The following CRYBG2 variants were observed in gnomAD, a reference collection of about 807,000 sequenced individuals.
The protein encoded by CRYBG2 is beta/gamma crystallin domain-containing protein 2.
Under a neutral mutation model 153.4 loss-of-function variants are expected in CRYBG2, and 106 were observed. The ratio of observed to expected loss-of-function variants is 0.69; its 90% CI spans 0.59 to 0.81. CRYBG2 has a LOEUF of 0.81. Among genes scored for constraint, CRYBG2 ranks in the 30% least tolerant of loss-of-function variants. The pLI, the probability that CRYBG2 is intolerant of heterozygous loss-of-function variation, is 0.00. For synonymous variants in CRYBG2, 851 were observed against 877.8 expected (o/e 0.97, Z 0.54); for missense variants, 1,996 against 2,112.0 (o/e 0.95, Z 1.08).
intron 14 of CRYBG2, among the ~76,000 whole-genome samples, chr1:26,332,306 CAAAA>C (rs567865951): frequency 2.8e-5 from 2 of 71,454 alleles, no homozygotes; most frequent in Admixed American, 1.6e-4. Context: ...GACTCCGTGT[CAAAA>C]AAAAAAAAAA....
intron 1 of CRYBG2, among the ~76,000 whole-genome samples, chr1:26,352,485 A>G (rs1180286942): frequency 6.6e-6 from 1 of 152,146 alleles, no homozygotes; most frequent in Non-Finnish European, 1.5e-5. Flanking sequence ...GAACGTGGAC[A>G]CACACGCTTG....
At chr1:26,353,354 T>A (rs1234872189) in intron 1 of CRYBG2, among the ~76,000 whole-genome samples, 1 of 151,834 alleles carries the variant, frequency 6.6e-6, no homozygotes, top group Non-Finnish European at 1.5e-5. Flanking sequence ...CCCTGGGAGG[T>A]TCCATGTTCA....
Position 26,321,963 on chromosome 1 carries a change from A to T in CRYBG2, c.*5T>A. On this transcript the variant is annotated 3_prime_UTR_variant, in exon 20 of 20. Coordinates refer to ENST00000308182, the MANE Select transcript of CRYBG2 (RefSeq NM_001039775.4). ...CTCCAGGGCTGGAGGGTGAGGGGAA[A>T]AGTTTCAAAGCACGTGGATAGTCCA... The T allele has an allele frequency of 6.4e-7, 1 of 1,560,788 alleles. No individual in the cohort carries two copies. The highest frequency in any genetic ancestry group is 1.4e-5 in the African/African-American group (1 of 73,474).
chr1:26,336,056 C>T lies in CRYBG2; in HGVS notation c.4184+39G>A, dbSNP rs1009563155. The T allele has an allele frequency of 7.9e-6, 11 of 1,400,608 alleles. No individual in the cohort carries two copies. The highest frequency in any genetic ancestry group is 1.5e-5 in the African/African-American group (1 of 68,392). The allele number at this position is 1,400,608 out of a possible 1,614,324, so 86.8% of individuals were successfully genotyped here. On this transcript the variant is annotated intron_variant, in intron 14 of 19. Transcript: ENST00000308182. The surrounding 1 kb of genome is among the most constrained non-coding windows in gnomAD (Gnocchi z 4.9). ...CTCTCCTCCTGCAGCCCCGCCTCTG[C>T]CCCAGCGCCCCCAGCCCTCCGCCCC...
rs1199023660 is a variant in CRYBG2 at position 26,321,906 on chromosome 1, A to G, written c.*62T>C. 1.5e-6 allele frequency: 2 copies of G among 1,376,706 alleles called. No individual in the cohort carries two copies. Among genetic ancestry groups the G allele is most frequent in the African/African-American group, 2.9e-5 (2 of 68,184 alleles). The allele number at this position is 1,376,706 out of a possible 1,614,324, so 85.3% of individuals were successfully genotyped here. A position where few individuals can be genotyped will look rare whatever the true frequency, so the allele number is the denominator to read the frequency against. ...AGAAAATAGCTTATGTTACAACAAAAACCCTATAAAAACATTCATCCCAGC... is the reference window on the plus strand; with the variant it reads ...AGAAAATAGCTTATGTTACAACAAAGACCCTATAAAAACATTCATCCCAGC... On this transcript the variant is annotated 3_prime_UTR_variant, in exon 20 of 20. Transcript: ENST00000308182.
At position 26,336,477 on chromosome 1, in the gene CRYBG2, C is replaced by T. The variant is rs527966691; in HGVS notation, c.4039-107G>A. 255 of 1,551,586 alleles carry T rather than the reference C, an allele frequency of 1.6e-4. 5 individuals carry two copies. The South Asian group carries it at 2.9e-3, about 17-fold the overall frequency. On this transcript the variant is annotated intron_variant, in intron 12 of 19. Coordinates refer to ENST00000308182, the MANE Select transcript of CRYBG2 (RefSeq NM_001039775.4). This position sits in a 1 kb window ranked among gnomAD's most constrained non-coding sequence, Gnocchi z 4.9. Reference sequence around the variant, plus strand: ...CCGCGGCCGCGCCCTCGGCCCCGCCCCCTTCTAAGGCCCCGCCCCAAGCGC... The same window carrying T: ...CCGCGGCCGCGCCCTCGGCCCCGCCTCCTTCTAAGGCCCCGCCCCAAGCGC...
At chr1:26,337,874 C>T in intron 8 of CRYBG2, 138 bp downstream of exon 8, 3 of 1,302,334 alleles carry the variant, frequency 2.3e-6, no homozygotes, top group Non-Finnish European at 2.1e-6. Context: ...CCAGTGAGCC[C>T]ATCAGGTCCC....
chr1:26,343,330 G>T lies in CRYBG2; in HGVS notation c.2914-37C>A, dbSNP rs1282637525. 1.3e-6 allele frequency: 2 copies of T among 1,548,472 alleles called. No homozygotes were observed. The highest frequency in any genetic ancestry group is 2.4e-5 in the East Asian group (1 of 40,902). The stretch of plus-strand genomic sequence containing the variant: ...GCAGGTGATAAAGAAGTCCTGTGGG[G>T]TCACCTCTTTTCTGCCTCCCCACAA... On this transcript the variant is annotated intron_variant, in intron 2 of 19. Coordinates refer to ENST00000308182, the MANE Select transcript of CRYBG2 (RefSeq NM_001039775.4). This position sits in a 1 kb window ranked among gnomAD's most constrained non-coding sequence, Gnocchi z 4.1.
At chr1:26,338,113 A>C in intron 7 of CRYBG2, 66 bp from the exon 8 acceptor site, 1 of 1,578,082 alleles carries the variant, frequency 6.3e-7, no homozygotes. Flanking sequence ...CTGCGGATCT[A>C]GGATTTTCCT....
rs1195704799 is a variant in CRYBG2, at chr1:26,336,620, G to A, written c.4024C>T (p.Gln1342Ter). Residue 1342 changes from glutamine (Q) to a stop codon, truncating the protein, a stop_gained, in exon 12 of 20, where the codon CAG (glutamine) becomes TAG (stop). Transcript: ENST00000308182. LOFTEE classifies it high-confidence loss of function. This position sits in a 1 kb window ranked among gnomAD's most constrained non-coding sequence, Gnocchi z 4.9. ...CCGGCACGCACCTGTAGGACCGGCT[G>A]CAGCGAGGCGAGGGTGCTGTTGCCA... ...GAGNSTLASL[Q>*]PVLQVGEHDL... The A allele has an allele frequency of 6.5e-7, 1 of 1,550,050 alleles. No homozygotes were observed. The highest frequency in any genetic ancestry group is 8.7e-7 in the Non-Finnish European group (1 of 1,146,680).
intron 6 of CRYBG2, 75 bp from the exon 7 acceptor site, chr1:26,338,552 G>A (rs1179230353): frequency 3.5e-6 from 5 of 1,446,668 alleles, no homozygotes; most frequent in South Asian, 1.5e-5. Context: ...CGGGAGGGAA[G>A]GTTTAGAGTG....
At position 26,343,974 on chromosome 1, in the gene CRYBG2, T is replaced by G. The variant is rs752006528; in HGVS notation, c.2684A>C (p.Gln895Pro). ...ACGGGAAGTGGGCCTGCTGCCTCCC[T>G]GCAGTTCCAATCCCAGCTCTGAGTG... ...GPHSELGLEL[Q>P]GGSRPTSRLG... Residue 895 changes from glutamine (Q) to proline (P), a missense_variant, in exon 2 of 20, where the codon CAG becomes CCG. Physicochemically the swap from Gln to Pro is moderately conservative, Grantham distance 76 (BLOSUM62 -1). Coordinates refer to ENST00000308182, the MANE Select transcript of CRYBG2 (RefSeq NM_001039775.4). The surrounding 1 kb of genome is among the most constrained non-coding windows in gnomAD (Gnocchi z 4.1). 2 of 1,537,054 alleles carry G rather than the reference T, an allele frequency of 1.3e-6. No homozygotes were observed. The highest frequency in any genetic ancestry group is 2.7e-5 in the African/African-American group (2 of 73,060).
rs1301401935 is a variant in CRYBG2, at chr1:26,344,734, T to C, written c.1924A>G (p.Ser642Gly). ...CCCTGGACAGCCTCTTTTTGGATGC[T>C]ACTGCTGCCTTTTGGGCCCTGGACA... ...EVVQGPKGSS[S>G]IQKEAVQGIA... Residue 642 changes from serine (S) to glycine (G), a missense_variant, in exon 2 of 20, where the codon AGC becomes GGC. Physicochemically the swap from Ser to Gly is moderately conservative, Grantham distance 56. Coordinates refer to ENST00000308182, the MANE Select transcript of CRYBG2 (RefSeq NM_001039775.4). The C allele has an allele frequency of 5.9e-6, 9 of 1,535,472 alleles. No homozygotes were observed. In the Middle Eastern group the frequency reaches 5.0e-4, roughly 86 times the overall value.
At chr1:26,350,115 G>A (rs909627037) in intron 1 of CRYBG2, among the ~76,000 whole-genome samples, 6 of 152,004 alleles carry the variant, frequency 3.9e-5, no homozygotes, top group South Asian at 4.2e-4. Context: ...GTGCCTGACC[G>A]GACCAGTGGT....
chr1:26,337,169 A>G, intron 10 of CRYBG2, 84 bp downstream of exon 10: 1 of 1,584,332 alleles, frequency 6.3e-7, no homozygotes, highest in Non-Finnish European at 8.6e-7. Flanking sequence ...GAGAGGGGGT[A>G]CAAATTCTTC....
chr1:26,341,198 G>C (rs756480293), intron 5 of CRYBG2, among the ~76,000 whole-genome samples: 1 of 151,568 alleles, frequency 6.6e-6, no homozygotes, highest in African/African-American at 2.4e-5. Context: ...AAAATTAGCC[G>C]GGCATAGTGG....
In CRYBG2 at chr1:26,343,136, G is replaced by C. The variant is rs1396267888; in HGVS notation, c.2985C>G (p.Gly995=). 1 of 1,550,524 alleles carries C rather than the reference G, an allele frequency of 6.4e-7. No individual in the cohort carries two copies. The highest frequency in any genetic ancestry group is 2.0e-5 in the Admixed American group (1 of 50,990). Residue 995 remains glycine, a synonymous_variant, in exon 4 of 20, where the codon GGC becomes GGG. Coordinates refer to ENST00000308182, the MANE Select transcript of CRYBG2 (RefSeq NM_001039775.4). The surrounding 1 kb of genome is among the most constrained non-coding windows in gnomAD (Gnocchi z 4.1). ...AGACCTCCCTGCCACTGCCTTGGCA[G>C]CCAGACTCTGAGAAGAAGATCACCT... ...PGKVIFFSES[G]CQGSGREVWG...
rs1178801467 is a variant in CRYBG2, at chr1:26,328,202, T to TA, written c.4578+6dup. 1 of 1,561,940 alleles carries TA rather than the reference T, an allele frequency of 6.4e-7. No individual in the cohort carries two copies. Among genetic ancestry groups the TA allele is most frequent in the African/African-American group, 1.4e-5 (1 of 73,412 alleles). ...CAGACACGCTCAGCTCCAGCCACGC[T>TA]ACCCACCTGCTTGATGGGGTAGAGG... is the stretch of plus-strand genomic sequence containing the variant. On this transcript the variant is annotated splice_region_variant and intron_variant, in intron 17 of 19. Coordinates refer to ENST00000308182, the MANE Select transcript of CRYBG2 (RefSeq NM_001039775.4).
Position 26,322,010 on chromosome 1 carries a change from A to G in CRYBG2, c.4944T>C (p.Asp1648=), listed in dbSNP as rs534524453. The change falls in exon 20 of 20, where the codon GAT becomes GAC. Residue 1648 remains aspartate, a synonymous_variant. Transcript: ENST00000308182. ...DRDHVVLWEP[D]EDRASQIWTI... ...TCCAGATCTGGGATGCCCTGTCCTCATCCGGCTCCCATAGCACCACGTGGT... is the reference window on the plus strand; with the variant it reads ...TCCAGATCTGGGATGCCCTGTCCTCGTCCGGCTCCCATAGCACCACGTGGT... The G allele has an allele frequency of 1.3e-5, 21 of 1,606,486 alleles. No individual in the cohort carries two copies. In the East Asian group the frequency reaches 3.8e-4, roughly 29 times the overall value.
Sources: gnomAD v4.1 joint callset for allele counts (sites outside exome capture counted in the v4.1 genomes callset) on GRCh38, gnomAD v4.1.1 for gene constraint, Gnocchi (gnomAD v3.1) non-coding constraint, MANE v1.5 for transcripts, NCBI Gene and HGNC (gene_info 2026-07-23, HGNC 2026-07-21) for gene names.